The following RORA variants were observed in gnomAD, a reference collection of about 807,000 sequenced individuals.
RORA encodes the protein nuclear receptor ROR-alpha.
Under a neutral mutation model 69.5 loss-of-function variants are expected in RORA, and 7 were observed. The observed-to-expected ratio is 0.10, with a 90% CI of 0.06 to 0.19. RORA has a LOEUF of 0.19. RORA is among the 10% of genes least tolerant of loss of function. The pLI, the probability that RORA is intolerant of heterozygous loss-of-function variation, is 1.00. For missense variants in RORA, 457 were observed against 663.0 expected, an observed-to-expected ratio of 0.69 and a Z score of 3.41; for synonymous variants, 261 against 240.8, an observed-to-expected ratio of 1.08 and a Z score of -0.78.
intron 1 of RORA, among the ~76,000 whole-genome samples, chr15:61,079,424 T>C (rs772654895): frequency 4.0e-4 from 61 of 152,316 alleles, no homozygotes; most frequent in Middle Eastern, 3.4e-3. Context: ...CTGACTTTAT[T>C]CCCCTGATGG....
chr15:61,201,805 G>C (rs1207094811), intron 1 of RORA, among the ~76,000 whole-genome samples: 1 of 152,030 alleles, frequency 6.6e-6, no homozygotes, highest in African/African-American at 2.4e-5. Flanking sequence ...ATTTTTTCCT[G>C]AATATCCAGA....
At chr15:61,048,526 C>A (rs887941929) in intron 1 of RORA, among the ~76,000 whole-genome samples, 53 of 152,184 alleles carry the variant, frequency 3.5e-4, no homozygotes, top group African/African-American at 1.3e-3. Context: ...GCCCCACACC[C>A]CAGATATCTT....
intron 1 of RORA, among the ~76,000 whole-genome samples, chr15:61,155,723 T>G (rs570797263): frequency 1.3e-5 from 2 of 152,250 alleles, no homozygotes; most frequent in Admixed American, 1.3e-4. Context: ...AATAGTTTCC[T>G]CCAATAACAT....
At chr15:61,137,115 T>C (rs2079253709) in intron 1 of RORA, among the ~76,000 whole-genome samples, 1 of 149,184 alleles carries the variant, frequency 6.7e-6, no homozygotes, top group Non-Finnish European at 1.5e-5. Flanking sequence ...AGCAAGGGTG[T>C]CCAGGGTGGC....
At chr15:60,855,324 C>T (rs536195980) in intron 1 of RORA, among the ~76,000 whole-genome samples, 1 of 152,320 alleles carries the variant, frequency 6.6e-6, no homozygotes, top group South Asian at 2.1e-4. Flanking sequence ...ATGGAAACCA[C>T]ATGACAGATT....
chr15:61,092,994 C>G (rs2078730526), intron 1 of RORA, among the ~76,000 whole-genome samples: 1 of 151,968 alleles, frequency 6.6e-6, no homozygotes, highest in Admixed American at 6.6e-5. Flanking sequence ...TCCCAGCCCT[C>G]TTGTTTAAAC....
At chr15:60,846,958 A>T (rs2073273041) in intron 1 of RORA, among the ~76,000 whole-genome samples, 1 of 152,222 alleles carries the variant, frequency 6.6e-6, no homozygotes, top group Admixed American at 6.5e-5. Context: ...AAATGGATAT[A>T]CATGATGCTC....
At chr15:60,620,993 G>T (rs1596068702) in intron 2 of RORA, among the ~76,000 whole-genome samples, 2 of 152,250 alleles carry the variant, frequency 1.3e-5, no homozygotes, top group East Asian at 3.8e-4. Context: ...TCTTCAGGGA[G>T]TCTAGTCTAT....
chr15:61,223,897 A>G (rs1343199684), intron 1 of RORA, among the ~76,000 whole-genome samples: 1 of 152,130 alleles, frequency 6.6e-6, no homozygotes. Flanking sequence ...TTTTTTTTAA[A>G]GCATTAATTT....
chr15:60,515,900 T>A (rs1241753247), intron 3 of RORA, among the ~76,000 whole-genome samples: 8 of 107,798 alleles, frequency 7.4e-5, no homozygotes, highest in African/African-American at 3.2e-4. Flanking sequence ...ATATATATAT[T>A]TATATATATT....
chr15:60,592,301 C>T (rs1021819205), intron 2 of RORA: 2 of 1,010,310 alleles, frequency 2.0e-6, no homozygotes, highest in Non-Finnish European at 1.3e-6. Flanking sequence ...TTCGGGCAGG[C>T]GCGCCCACCC....
intron 2 of RORA, among the ~76,000 whole-genome samples, chr15:60,570,856 AC>A (rs1465889007): frequency 6.6e-6 from 1 of 152,010 alleles, no homozygotes; most frequent in Non-Finnish European, 1.5e-5. Context: ...CAGCCACTTA[AC>A]CTTTCCGAGT....
chr15:60,654,288 A>G (rs1179319214), intron 2 of RORA, among the ~76,000 whole-genome samples: 2 of 152,218 alleles, frequency 1.3e-5, no homozygotes, highest in Non-Finnish European at 2.9e-5. Context: ...GTTTTAGAAG[A>G]GGCCGATTTA....
chr15:61,123,308 G>A (rs2079118757), intron 1 of RORA, among the ~76,000 whole-genome samples: 1 of 152,082 alleles, frequency 6.6e-6, no homozygotes, highest in Non-Finnish European at 1.5e-5. Flanking sequence ...AGCAGGGAAG[G>A]GGATGGGAAA....
chr15:61,154,339 C>T (rs903051439), intron 1 of RORA, among the ~76,000 whole-genome samples: 1 of 152,154 alleles, frequency 6.6e-6, no homozygotes, highest in South Asian at 2.1e-4. Context: ...AGACCATCAG[C>T]GAACTGCTGG....
At chr15:60,655,208 A>T (rs1008767847) in intron 2 of RORA, among the ~76,000 whole-genome samples, 6 of 151,992 alleles carry the variant, frequency 3.9e-5, no homozygotes, top group African/African-American at 1.4e-4. Context: ...ACAGAGTCTC[A>T]CTCTGTCGCC....
At chr15:60,715,828 A>C (rs1039863778) in intron 1 of RORA, among the ~76,000 whole-genome samples, 6 of 152,162 alleles carry the variant, frequency 3.9e-5, no homozygotes, top group African/African-American at 1.4e-4. Context: ...AGGGGAAGGA[A>C]AGATCCATTT....
At chr15:60,590,200 T>TCTCTCTCTCTC (rs1555434789) in intron 2 of RORA, among the ~76,000 whole-genome samples, 1 of 151,638 alleles carries the variant, frequency 6.6e-6, no homozygotes, top group African/African-American at 2.4e-5. Flanking sequence ...TCTCTCTCTC[T>TCTCTCTCTCTC]TTCAGGCAGC....
rs2140955478 is a variant in RORA, at chr15:61,229,035, C to G, written c.166+18G>C. On this transcript the variant is annotated intron_variant, in intron 1 of 10. Coordinates refer to ENST00000335670, the MANE Select transcript of RORA (RefSeq NM_134261.3). ...GGGCTCCCGCCGCCCCCTCCCCAGCCCCTCTCCAGCCTCCTACCTCTGCTG... is the reference window on the plus strand; with the variant it reads ...GGGCTCCCGCCGCCCCCTCCCCAGCGCCTCTCCAGCCTCCTACCTCTGCTG... 6.8e-7 allele frequency: 1 copy of G among 1,463,352 alleles called. No homozygotes were observed. The highest frequency in any genetic ancestry group is 3.0e-5 in the East Asian group (1 of 32,970). The allele number at this position is 1,463,352 out of a possible 1,614,324, so 90.6% of individuals were successfully genotyped here. A position where few individuals can be genotyped will look rare whatever the true frequency, so the allele number is the denominator to read the frequency against.
Sources: gnomAD v4.1 joint callset for allele counts (sites outside exome capture counted in the v4.1 genomes callset) on GRCh38, gnomAD v4.1.1 for gene constraint, MANE v1.5 for transcripts, NCBI Gene and HGNC (gene_info 2026-07-23, HGNC 2026-07-21) for gene names.